The following SLC25A13 variants were observed in gnomAD, a reference collection of about 807,000 sequenced individuals.
SLC25A13 encodes electrogenic aspartate/glutamate antiporter SLC25A13, mitochondrial.
In SLC25A13, 70 loss-of-function variants were observed where a neutral mutation model predicts 85.5. The ratio of observed to expected loss-of-function variants is 0.82; its 90% CI spans 0.68 to 1.00. The LOEUF (loss-of-function observed/expected upper bound fraction) is 1.00. Among genes scored for constraint, SLC25A13 ranks in the 50% least tolerant of loss-of-function variants. SLC25A13 has a pLI of 0.00. For missense variants in SLC25A13, 765 were observed against 819.8 expected, an observed-to-expected ratio of 0.93 and a Z score of 0.82; for synonymous variants, 259 against 288.7, an observed-to-expected ratio of 0.90 and a Z score of 1.04.
chr7:96,240,141 G>C (rs570906527), intron 3 of SLC25A13, among the ~76,000 whole-genome samples: 1 of 146,756 alleles, frequency 6.8e-6, no homozygotes, highest in South Asian at 2.2e-4. Context: ...AAATATAATA[G>C]AGAATACAGA....
intron 3 of SLC25A13, among the ~76,000 whole-genome samples, chr7:96,249,212 C>A (rs1337457164): frequency 6.6e-6 from 1 of 152,184 alleles, no homozygotes; most frequent in Non-Finnish European, 1.5e-5. Context: ...CTAGATTTTA[C>A]TCCAAATCCA....
At chr7:96,284,899 G>C (rs1798827969) in intron 2 of SLC25A13, among the ~76,000 whole-genome samples, 1 of 152,170 alleles carries the variant, frequency 6.6e-6, no homozygotes, top group African/African-American at 2.4e-5. Context: ...AGCAGCATGA[G>C]AACAGAACAG....
At chr7:96,209,031 A>AT in intron 4 of SLC25A13, 54 bp from the exon 5 acceptor site, 2 of 1,577,530 alleles carry the variant, frequency 1.3e-6, no homozygotes, top group Non-Finnish European at 1.7e-6. Context: ...GTTCTTTCTG[A>AT]TAAAATCTGT....
intron 15 of SLC25A13, among the ~76,000 whole-genome samples, chr7:96,129,177 G>A (rs955798879): frequency 6.6e-6 from 1 of 152,156 alleles, no homozygotes; most frequent in Non-Finnish European, 1.5e-5. Context: ...TGGTGCCAGA[G>A]GCACCCAGTG....
intron 2 of SLC25A13, among the ~76,000 whole-genome samples, chr7:96,289,926 C>A (rs909126257): frequency 1.3e-5 from 2 of 152,090 alleles, no homozygotes; most frequent in African/African-American, 4.8e-5. Context: ...AAAGATACTC[C>A]TCGAGAAGAG....
At chr7:96,175,561 T>C (rs1794186715) in intron 11 of SLC25A13, among the ~76,000 whole-genome samples, 1 of 152,230 alleles carries the variant, frequency 6.6e-6, no homozygotes, top group Admixed American at 6.5e-5. Flanking sequence ...CTGCCCATGG[T>C]GGCTCAGCTG....
chr7:96,229,030 C>T (rs774240185), intron 4 of SLC25A13, among the ~76,000 whole-genome samples: 5 of 152,308 alleles, frequency 3.3e-5, no homozygotes, highest in African/African-American at 9.6e-5. Flanking sequence ...GCCTCCCCAA[C>T]GGGTGCCGCC....
chr7:96,120,854 T>C lies in SLC25A13; in HGVS notation c.*337A>G, dbSNP rs1367859095. 2.1e-6 allele frequency: 1 copy of C among 479,060 alleles called. No homozygotes were observed. The allele number at this position is 479,060 out of a possible 1,614,324, so 29.7% of individuals were successfully genotyped here. On this transcript the variant is annotated 3_prime_UTR_variant, in exon 18 of 18. Transcript: ENST00000265631. ...ACCATGATTGCCTTACAGTAGCCTC[T>C]TTGGGACTACAATCCTAGTTCAAGG...
intron 13 of SLC25A13, among the ~76,000 whole-genome samples, chr7:96,160,730 A>C (rs1172188606): frequency 6.6e-6 from 1 of 152,208 alleles, no homozygotes; most frequent in East Asian, 1.9e-4. Context: ...TGTGGGGAAA[A>C]TAAACATTCA....
intron 3 of SLC25A13, among the ~76,000 whole-genome samples, chr7:96,238,653 G>A (rs1035777661): frequency 6.6e-6 from 1 of 151,984 alleles, no homozygotes; most frequent in Non-Finnish European, 1.5e-5. Context: ...TTCTGAAGCC[G>A]GACAGAAGAC....
At chr7:96,205,418 A>C (rs2116703558) in intron 5 of SLC25A13, among the ~76,000 whole-genome samples, 1 of 152,370 alleles carries the variant, frequency 6.6e-6, no homozygotes, top group Admixed American at 6.5e-5. Flanking sequence ...ATACAACTGT[A>C]TTCACATTCA....
chr7:96,280,589 C>A (rs1387188564), intron 2 of SLC25A13, among the ~76,000 whole-genome samples: 1 of 152,046 alleles, frequency 6.6e-6, no homozygotes, highest in East Asian at 1.9e-4. Flanking sequence ...GTAACGTGCA[C>A]CTGTAGTCCC....
intron 4 of SLC25A13, among the ~76,000 whole-genome samples, chr7:96,222,638 G>A (rs1025454876): frequency 9.2e-5 from 14 of 152,070 alleles, no homozygotes; most frequent in Non-Finnish European, 1.8e-4. Flanking sequence ...TAGCGACGGG[G>A]TTTCACCGTG....
At chr7:96,213,624 T>C (rs1267157001) in intron 4 of SLC25A13, among the ~76,000 whole-genome samples, 2 of 152,222 alleles carry the variant, frequency 1.3e-5, no homozygotes, top group African/African-American at 4.8e-5. Flanking sequence ...CCCAACATGT[T>C]TTAGCTTTTT....
chr7:96,167,881 C>T (rs1226973772), intron 13 of SLC25A13, among the ~76,000 whole-genome samples: 5 of 152,008 alleles, frequency 3.3e-5, no homozygotes, highest in Admixed American at 6.6e-5. Context: ...AGGCGGATCA[C>T]GAGGTCAGGA....
At chr7:96,128,819 G>A (rs1271597588) in intron 15 of SLC25A13, among the ~76,000 whole-genome samples, 1 of 150,964 alleles carries the variant, frequency 6.6e-6, no homozygotes, top group African/African-American at 2.4e-5. Context: ...TCTATAGTAA[G>A]TGAGGCAGCC....
At chr7:96,246,006 C>A (rs1797175947) in intron 3 of SLC25A13, among the ~76,000 whole-genome samples, 1 of 152,220 alleles carries the variant, frequency 6.6e-6, no homozygotes, top group Non-Finnish European at 1.5e-5. Context: ...GAAAAGCCAG[C>A]AGGCATATGA....
At chr7:96,201,233 G>A (rs1795243153) in intron 5 of SLC25A13, among the ~76,000 whole-genome samples, 2 of 152,076 alleles carry the variant, frequency 1.3e-5, no homozygotes, top group South Asian at 4.2e-4. Flanking sequence ...GGTCGGGCTG[G>A]GCACGGTGGC....
At chr7:96,194,275 A>G (rs1325139490) in intron 5 of SLC25A13, among the ~76,000 whole-genome samples, 1 of 145,762 alleles carries the variant, frequency 6.9e-6, no homozygotes. Flanking sequence ...TCTCTACAAA[A>G]AAAAAAAAAA....
Sources: allele counts gnomAD v4.1 joint callset (sites outside exome capture counted in the v4.1 genomes callset), GRCh38; gene constraint gnomAD v4.1.1; transcripts MANE v1.5; gene names NCBI Gene and HGNC (gene_info 2026-07-23, HGNC 2026-07-21).